ATF7IP2: variants seen among roughly 807,000 people sequenced by gnomAD.
The protein encoded by ATF7IP2 is activating transcription factor 7 interacting protein 2, also known as activating transcription factor 7-interacting protein 2.
ATF7IP2 carries 42 observed loss-of-function variants against 64.2 expected under a neutral mutation model. The ratio of observed to expected loss-of-function variants is 0.65; its 90% CI spans 0.51 to 0.85. ATF7IP2 has a LOEUF of 0.85. Among genes scored for constraint, ATF7IP2 ranks in the 40% least tolerant of loss-of-function variants. The pLI is 0.00. For synonymous variants in ATF7IP2, 308 were observed against 272.8 expected (o/e 1.13, Z -1.27); for missense variants, 933 against 784.2 (o/e 1.19, Z -2.27).
intron 8 of ATF7IP2, among the ~76,000 whole-genome samples, chr16:10,442,020 G>T (rs779338657): frequency 2.6e-5 from 4 of 152,206 alleles, no homozygotes; most frequent in African/African-American, 7.2e-5. Flanking sequence ...TCCTGTTTCT[G>T]TGTCCTCCCC....
chr16:10,400,727 G>C (rs1287783804), intron 1 of ATF7IP2, among the ~76,000 whole-genome samples: 1 of 152,146 alleles, frequency 6.6e-6, no homozygotes, highest in African/African-American at 2.4e-5. Flanking sequence ...CTGTTGCCAG[G>C]TTGGAGTGCA....
chr16:10,415,427 A>T (rs1322040748), intron 2 of ATF7IP2, among the ~76,000 whole-genome samples: 1 of 152,234 alleles, frequency 6.6e-6, no homozygotes, highest in Non-Finnish European at 1.5e-5. Context: ...CTATTCACAT[A>T]CAGAAGAATG....
At chr16:10,424,447 A>G (rs968814845) in intron 3 of ATF7IP2, among the ~76,000 whole-genome samples, 1 of 152,244 alleles carries the variant, frequency 6.6e-6, no homozygotes, top group African/African-American at 2.4e-5. Context: ...AGGCTGTGAT[A>G]TACTTGCTAA....
intron 6 of ATF7IP2, among the ~76,000 whole-genome samples, chr16:10,434,291 A>C (rs1361733586): frequency 1.3e-5 from 2 of 152,176 alleles, no homozygotes; most frequent in African/African-American, 4.8e-5. Context: ...CAGTTCTAGT[A>C]GAATGGTTAT....
intron 1 of ATF7IP2, among the ~76,000 whole-genome samples, chr16:10,398,260 C>T (rs538420138): frequency 9.1e-4 from 138 of 151,352 alleles, no homozygotes; most frequent in African/African-American, 3.0e-3. Context: ...GCCAAGATTG[C>T]GCCACTGCAC....
chr16:10,419,169 TAGTG>T (rs2047939027), intron 2 of ATF7IP2, among the ~76,000 whole-genome samples: 2 of 152,192 alleles, frequency 1.3e-5, no homozygotes, highest in South Asian at 2.1e-4. Flanking sequence ...TTATGGTAAA[TAGTG>T]AGACCAGAAA....
chr16:10,472,711 C>G (rs553847359), intron 10 of ATF7IP2, among the ~76,000 whole-genome samples: 1 of 152,072 alleles, frequency 6.6e-6, no homozygotes, highest in Non-Finnish European at 1.5e-5. Flanking sequence ...CAAAAATTAG[C>G]CAGGCATGGT....
rs192528998 is a variant in ATF7IP2 at position 10,392,844 on chromosome 16, T to A, written c.-242+6722T>A. On this transcript the variant is annotated intron_variant, in intron 1 of 13. Transcript: ENST00000562102. Reference sequence around the variant, plus strand: ...TCTTTAAAAAAAAAAAAAAATTAGCTGGGTGTGATGGGCGCCCCTGATGTC... The same window carrying A: ...TCTTTAAAAAAAAAAAAAAATTAGCAGGGTGTGATGGGCGCCCCTGATGTC... Among the ~76,000 whole-genome samples, 1,312 of 147,972 alleles carry A rather than the reference T, an allele frequency of 8.9e-3. 23 individuals carry two copies. The highest frequency in any genetic ancestry group is 0.012 in the Non-Finnish European group (823 of 67,208).
intron 2 of ATF7IP2, among the ~76,000 whole-genome samples, chr16:10,418,257 C>A (rs2047918188): frequency 6.6e-6 from 1 of 152,228 alleles, no homozygotes; most frequent in African/African-American, 2.4e-5. Context: ...CGGTTTTCCA[C>A]CCCAGGTGGG....
chr16:10,401,640 CCTT>C (rs1279125206), intron 1 of ATF7IP2, among the ~76,000 whole-genome samples: 2 of 151,912 alleles, frequency 1.3e-5, no homozygotes, highest in African/African-American at 4.8e-5. Context: ...AGAATTCCCT[CCTT>C]TTTTTTCCCT....
intron 1 of ATF7IP2, among the ~76,000 whole-genome samples, chr16:10,414,242 C>A (rs1390728524): frequency 4.6e-5 from 7 of 152,116 alleles, no homozygotes; most frequent in Non-Finnish European, 7.4e-5. Context: ...GGTTGTTTAA[C>A]ATAATCTCAG....
chr16:10,457,274 C>A, intron 8 of ATF7IP2, 98 bp from the exon 9 acceptor site: 1 of 986,516 alleles, frequency 1.0e-6, no homozygotes. Flanking sequence ...TATGTTTTGC[C>A]ATATGTATGC....
At chr16:10,424,618 A>G (rs1459964878) in intron 3 of ATF7IP2, among the ~76,000 whole-genome samples, 1 of 152,238 alleles carries the variant, frequency 6.6e-6, no homozygotes, top group East Asian at 1.9e-4. Flanking sequence ...TAAAATATAT[A>G]AGGAACTCTT....
At chr16:10,439,143 T>C (rs1392159816) in intron 7 of ATF7IP2, among the ~76,000 whole-genome samples, 1 of 152,202 alleles carries the variant, frequency 6.6e-6, no homozygotes, top group Non-Finnish European at 1.5e-5. Flanking sequence ...TTTGGACTTT[T>C]TGTTTTCCTC....
Position 10,433,647 on chromosome 16 carries a change from C to T in ATF7IP2, c.958C>T (p.Gln320Ter). The change falls in exon 6 of 14, where the codon CAG becomes TAG. Residue 320 changes from glutamine (Q) to a stop codon, truncating the protein, a stop_gained and splice_region_variant. Transcript: ENST00000562102. LOFTEE classifies it high-confidence loss of function. Reference protein sequence around the residue: ...SLERQTAFLEQVRHLIQQEIY... With the variant: ...SLERQTAFLE ...GGAAAGGCAAACAGCATTCCTGGAA[C>T]AGGTAAAATATTGGGGCTTAAATGG... The T allele has an allele frequency of 6.2e-7, 1 of 1,613,026 alleles. No homozygotes were observed. Among genetic ancestry groups the T allele is most frequent in the Non-Finnish European group, 8.5e-7 (1 of 1,179,482 alleles).
intron 1 of ATF7IP2, among the ~76,000 whole-genome samples, chr16:10,405,955 G>C (rs1399399004): frequency 1.3e-5 from 2 of 152,080 alleles, no homozygotes; most frequent in African/African-American, 4.8e-5. Flanking sequence ...TGGGTGTGGT[G>C]GCACGTGCCT....
rs141089693 is a variant in ATF7IP2 at position 10,433,547 on chromosome 16, G to A, written c.858G>A (p.Met286Ile). Residue 286 changes from methionine (M) to isoleucine (I), a missense_variant, in exon 6 of 14, where the codon ATG (methionine) becomes ATA (isoleucine). Physicochemically the swap from Met to Ile is conservative, Grantham distance 10 (BLOSUM62 1). Coordinates refer to ENST00000562102, the MANE Select transcript of ATF7IP2 (RefSeq NM_001393719.1). Reference protein sequence around the residue: ...NNNSHYQKKRMFSENEENVKR... With the variant: ...NNNSHYQKKRIFSENEENVKR... ...AAGGCCATTATCAAAAGAAGAGGAT[G>A]TTTTCAGAAAACGAGGAAAATGTTA... 3.7e-4 allele frequency: 596 copies of A among 1,612,756 alleles called. 5 individuals carry two copies. The African/African-American group carries it at 6.8e-3, about 18-fold the overall frequency.
chr16:10,409,325 G>A (rs2047705107), intron 1 of ATF7IP2, among the ~76,000 whole-genome samples: 1 of 152,146 alleles, frequency 6.6e-6, no homozygotes, highest in Non-Finnish European at 1.5e-5. Context: ...CTAATTAGGG[G>A]CAAGGAGGCA....
intron 10 of ATF7IP2, among the ~76,000 whole-genome samples, chr16:10,472,723 G>T (rs2049847897): frequency 6.6e-6 from 1 of 152,000 alleles, no homozygotes; most frequent in Non-Finnish European, 1.5e-5. Flanking sequence ...AGGCATGGTG[G>T]CAGGTGCCTG....
Sources: gnomAD v4.1 joint callset for allele counts (sites outside exome capture counted in the v4.1 genomes callset) on GRCh38, gnomAD v4.1.1 for gene constraint, MANE v1.5 for transcripts, NCBI Gene and HGNC (gene_info 2026-07-23, HGNC 2026-07-21) for gene names.